PFDN2: variants seen among roughly 807,000 people sequenced by gnomAD.
PFDN2 encodes the protein prefoldin subunit 2, also known as prefoldin 2.
A neutral mutation model predicts 18.3 loss-of-function variants in PFDN2; 7 were observed. The ratio of observed to expected loss-of-function variants is 0.38; its 90% CI spans 0.22 to 0.72. PFDN2 has a LOEUF of 0.72. PFDN2 is among the 30% of genes least tolerant of loss of function. The probability of loss-of-function intolerance (pLI) is 0.47; values close to 1 mark genes in which losing one functional copy is unlikely to be tolerated. For synonymous variants in PFDN2, 76 were observed against 75.0 expected (o/e 1.01, Z -0.07); for missense variants, 181 against 199.1 (o/e 0.91, Z 0.55).
intron 1 of PFDN2, among the ~76,000 whole-genome samples, chr1:161,113,774 C>A (rs1052971507): frequency 2.0e-5 from 3 of 152,106 alleles, no homozygotes; most frequent in Non-Finnish European, 4.4e-5. Context: ...AGAATGAGAC[C>A]CTGTCTCAGT....
rs189532577 is a variant in PFDN2, at chr1:161,116,636, T to C, written c.75+1316A>G. On this transcript the variant is annotated intron_variant, in intron 1 of 3. Transcript: ENST00000368010. Reference sequence around the variant, plus strand: ...TATCTTCTGCCTCATATGAGCATTTTGCTTCTCTTATTTACCCCACTAGAC... The same window carrying C: ...TATCTTCTGCCTCATATGAGCATTTCGCTTCTCTTATTTACCCCACTAGAC... Among the ~76,000 whole-genome samples, 18 of 152,280 alleles carry C rather than the reference T, an allele frequency of 1.2e-4. 1 individual carries two copies. In the East Asian group the frequency reaches 3.3e-3, roughly 28 times the overall value.
intron 1 of PFDN2, among the ~76,000 whole-genome samples, chr1:161,110,939 A>G (rs1178575609): frequency 3.4e-5 from 5 of 149,070 alleles, no homozygotes; most frequent in Admixed American, 1.4e-4. Flanking sequence ...TCCCAGGTTC[A>G]AGCAATTCTC....
intron 1 of PFDN2, among the ~76,000 whole-genome samples, chr1:161,110,879 G>A (rs887109213): frequency 4.7e-5 from 6 of 128,376 alleles, no homozygotes; most frequent in Non-Finnish European, 6.2e-5. Flanking sequence ...TCGCTCTGTC[G>A]CCCAGGCTGG....
intron 1 of PFDN2, among the ~76,000 whole-genome samples, chr1:161,114,289 T>A (rs186233229): frequency 3.7e-4 from 56 of 152,344 alleles, no homozygotes; most frequent in African/African-American, 1.3e-3. Flanking sequence ...TCTTCCTACA[T>A]TCCTTATGGC....
In PFDN2 at chr1:161,102,140, C is replaced by T; in HGVS notation, c.196G>A (p.Glu66Lys). The change falls in exon 3 of 4, where the codon GAA (glutamate) becomes AAA (lysine). Residue 66 changes from glutamate (E) to lysine (K), a missense_variant. Glu to Lys is a moderately conservative substitution (Grantham distance 56). Coordinates refer to ENST00000368010, the MANE Select transcript of PFDN2 (RefSeq NM_012394.4). ...ACCATGCGGTAGCACTTACGAGTTT[C>T]ATCTACCTCCTTCAGTGTATCGATC... ...LVIDTLKEVDETRKCYRMVGG... is the reference protein window; with the variant it reads ...LVIDTLKEVDKTRKCYRMVGG... 8 of 1,614,222 alleles carry T rather than the reference C, an allele frequency of 5.0e-6. No homozygotes were observed. The highest frequency in any genetic ancestry group is 6.8e-6 in the Non-Finnish European group (8 of 1,180,030).
chr1:161,107,649 T>C (rs1229401845), intron 1 of PFDN2, among the ~76,000 whole-genome samples: 2 of 148,048 alleles, frequency 1.4e-5, no homozygotes, highest in African/African-American at 5.0e-5. Context: ...ACCCCATCTC[T>C]ACTAAAAATA....
At chr1:161,115,921 C>T (rs759624808) in intron 1 of PFDN2, among the ~76,000 whole-genome samples, 8 of 152,042 alleles carry the variant, frequency 5.3e-5, no homozygotes, top group Non-Finnish European at 8.8e-5. Context: ...CCCATGGTAG[C>T]CTTAAAAATT....
chr1:161,102,034 T>C lies in PFDN2; in HGVS notation c.288+14A>G, dbSNP rs536568256. On this transcript the variant is annotated intron_variant, in intron 3 of 3. Coordinates refer to ENST00000368010, the MANE Select transcript of PFDN2 (RefSeq NM_012394.4). ...AGCCACTGTACCCGATCCTATTCAA[T>C]GATTCTTGCTCACCTGCTCCTTGTT... 2 of 1,614,136 alleles carry C rather than the reference T, an allele frequency of 1.2e-6. No individual in the cohort carries two copies. Among genetic ancestry groups the C allele is most frequent in the African/African-American group, 1.3e-5 (1 of 75,068 alleles).
At chr1:161,106,821 G>A (rs935010499) in intron 1 of PFDN2, among the ~76,000 whole-genome samples, 3 of 151,780 alleles carry the variant, frequency 2.0e-5, no homozygotes, top group Non-Finnish European at 4.4e-5. Context: ...TAAACTTTTT[G>A]TAGTGATGGG....
intron 1 of PFDN2, among the ~76,000 whole-genome samples, chr1:161,115,780 T>C (rs1021995669): frequency 6.6e-6 from 1 of 152,314 alleles, no homozygotes; most frequent in South Asian, 2.1e-4. Context: ...GACTTTATCA[T>C]AGGTATGAGA....
intron 1 of PFDN2, among the ~76,000 whole-genome samples, chr1:161,102,692 G>T (rs528284716): frequency 6.6e-6 from 1 of 152,188 alleles, no homozygotes; most frequent in South Asian, 2.1e-4. Context: ...AGGTGCGGTG[G>T]CTCACACCTG....
intron 1 of PFDN2, among the ~76,000 whole-genome samples, chr1:161,106,828 T>C (rs1654686426): frequency 6.6e-6 from 1 of 152,058 alleles, no homozygotes; most frequent in South Asian, 2.1e-4. Context: ...TTTGTAGTGA[T>C]GGGGTCTCAC....
In PFDN2 at chr1:161,102,062, T is replaced by C. The variant is rs142925752; in HGVS notation, c.274A>G (p.Asn92Asp). 1 of 1,614,180 alleles carries C rather than the reference T, an allele frequency of 6.2e-7. No individual in the cohort carries two copies. The highest frequency in any genetic ancestry group is 2.2e-5 in the East Asian group (1 of 44,888). The change falls in exon 3 of 4, where the codon AAC becomes GAC. Residue 92 changes from asparagine (N) to aspartate (D), a missense_variant. Physicochemically the swap from Asn to Asp is conservative, Grantham distance 23. Transcript: ENST00000368010. ...TTCTTGCTCACCTGCTCCTTGTTGT[T>C]CTCCAAAGCGGGCAGCACCTCTTTG... ...TVKEVLPALE[N>D]NKEQIQKIIE...
chr1:161,115,352 C>T (rs147488814), intron 1 of PFDN2, among the ~76,000 whole-genome samples: 18 of 152,360 alleles, frequency 1.2e-4, no homozygotes, highest in African/African-American at 3.8e-4. Context: ...GCGTGAGCCA[C>T]GGCACCTGGC....
At position 161,116,173 on chromosome 1, in the gene PFDN2, C is replaced by T. The variant is rs145380169; in HGVS notation, c.75+1779G>A. 1.4e-3 allele frequency among the ~76,000 whole-genome samples: 219 copies of T among 152,138 alleles called. 2 individuals are homozygous for T. The highest frequency in any genetic ancestry group is 9.8e-3 in the Admixed American group (150 of 15,278). ...TCACCCAGGGATTTCAAGGCTGCAGCGGGCTATCATCACGCCATTGCACTC... is the reference window on the plus strand; with the variant it reads ...TCACCCAGGGATTTCAAGGCTGCAGTGGGCTATCATCACGCCATTGCACTC... On this transcript the variant is annotated intron_variant, in intron 1 of 3. Coordinates refer to ENST00000368010, the MANE Select transcript of PFDN2 (RefSeq NM_012394.4).
intron 1 of PFDN2, among the ~76,000 whole-genome samples, chr1:161,110,138 CCA>C (rs1654775709): frequency 1.4e-5 from 2 of 147,690 alleles, no homozygotes; most frequent in Non-Finnish European, 1.5e-5. Flanking sequence ...GGCAGGCAGA[CCA>C]CTTGAGCTCA....
chr1:161,108,944 G>A (rs1397078167), intron 1 of PFDN2, among the ~76,000 whole-genome samples: 1 of 151,976 alleles, frequency 6.6e-6, no homozygotes, highest in Non-Finnish European at 1.5e-5. Context: ...TTTCTATACT[G>A]CCTCCTGATT....
chr1:161,104,937 A>G (rs1458532261), intron 1 of PFDN2, among the ~76,000 whole-genome samples: 1 of 152,176 alleles, frequency 6.6e-6, no homozygotes, highest in Admixed American at 6.5e-5. Flanking sequence ...ATTTCAACAA[A>G]TGCCTTGGAA....
chr1:161,104,375 C>G (rs1654637436), intron 1 of PFDN2, among the ~76,000 whole-genome samples: 1 of 151,986 alleles, frequency 6.6e-6, no homozygotes, highest in Admixed American at 6.6e-5. Context: ...CAGCCAGAAA[C>G]TTTCCCCTAA....
Sources: gnomAD v4.1 joint callset for allele counts (sites outside exome capture counted in the v4.1 genomes callset) on GRCh38, gnomAD v4.1.1 for gene constraint, MANE v1.5 for transcripts, NCBI Gene and HGNC (gene_info 2026-07-23, HGNC 2026-07-21) for gene names.